CADPS2: variants seen among roughly 807,000 people sequenced by gnomAD.
CADPS2 encodes the protein calcium-dependent secretion activator 2.
In CADPS2, 93 loss-of-function variants were observed where a neutral mutation model predicts 172.5. That is an observed-to-expected ratio of 0.54 (90% CI 0.46 to 0.64). The LOEUF is 0.64. CADPS2 is among the 30% of genes least tolerant of loss of function. The pLI, the probability that CADPS2 is intolerant of heterozygous loss-of-function variation, is 0.00. For synonymous variants in CADPS2, 546 were observed against 555.2 expected (o/e 0.98, Z 0.23); for missense variants, 1,420 against 1,565.9 (o/e 0.91, Z 1.57).
chr7:122,705,289 T>C (rs745581840), intron 2 of CADPS2, among the ~76,000 whole-genome samples: 2 of 151,294 alleles, frequency 1.3e-5, no homozygotes, highest in African/African-American at 2.4e-5. Context: ...TGATTGAGGC[T>C]ACTGTAATCT....
At chr7:122,694,041 T>C (rs1027834950) in intron 2 of CADPS2, among the ~76,000 whole-genome samples, 1 of 152,176 alleles carries the variant, frequency 6.6e-6, no homozygotes, top group Admixed American at 6.5e-5. Flanking sequence ...CAGATAATAA[T>C]AAATATTACA....
chr7:122,458,623 A>C (rs2054080309), intron 14 of CADPS2, among the ~76,000 whole-genome samples: 1 of 152,094 alleles, frequency 6.6e-6, no homozygotes, highest in African/African-American at 2.4e-5. Context: ...ATTTCCTTGG[A>C]TGTTTATTTT....
chr7:122,447,622 C>T (rs13239116), intron 15 of CADPS2, among the ~76,000 whole-genome samples: 8,284 of 139,422 alleles, frequency 0.059, 319 homozygotes, highest in Non-Finnish European at 0.063. Context: ...CAGGCGATCT[C>T]GGCTCACTGC....
At chr7:122,475,135 T>C (rs1009674364) in intron 12 of CADPS2, among the ~76,000 whole-genome samples, 2 of 152,236 alleles carry the variant, frequency 1.3e-5, no homozygotes, top group African/African-American at 4.8e-5. Flanking sequence ...AATTTATTGT[T>C]CTTTACAGAT....
chr7:122,423,923 A>C (rs6956554), intron 17 of CADPS2, among the ~76,000 whole-genome samples: 12,418 of 152,240 alleles, frequency 0.082, 1,321 homozygotes, highest in African/African-American at 0.25. Context: ...AAGGTGACCT[A>C]CGTAAACTTT....
At chr7:122,606,156 C>T (rs1175866618) in intron 6 of CADPS2, among the ~76,000 whole-genome samples, 4 of 152,168 alleles carry the variant, frequency 2.6e-5, no homozygotes, top group Non-Finnish European at 5.9e-5. Context: ...GGTAATATTA[C>T]ACATTTGCCT....
At chr7:122,320,432 G>T in intron 29 of CADPS2, 94 bp from the exon 30 acceptor site, 3 of 935,598 alleles carry the variant, frequency 3.2e-6, no homozygotes, top group Non-Finnish European at 4.5e-6. Context: ...TGATCTTGGG[G>T]AATCCACTGA....
intron 17 of CADPS2, among the ~76,000 whole-genome samples, chr7:122,417,798 C>T (rs1348514482): frequency 6.6e-6 from 1 of 152,024 alleles, no homozygotes; most frequent in Non-Finnish European, 1.5e-5. Flanking sequence ...GGAAGGTAAG[C>T]CTGAAACATG....
intron 25 of CADPS2, among the ~76,000 whole-genome samples, chr7:122,371,902 A>T (rs2041814178): frequency 6.6e-6 from 1 of 152,096 alleles, no homozygotes; most frequent in Admixed American, 6.5e-5. Context: ...GGTGGAGGTG[A>T]TATGGGTATT....
rs544280372 is a variant in CADPS2, at chr7:122,614,387, G to A, written c.1223+794C>T. Among the ~76,000 whole-genome samples the A allele has an allele frequency of 3.9e-5, 6 of 152,074 alleles. No individual in the cohort carries two copies. In the South Asian group the frequency reaches 1.2e-3, roughly 32 times the overall value. On this transcript the variant is annotated intron_variant, in intron 6 of 29. Coordinates refer to ENST00000449022, the MANE Select transcript of CADPS2 (RefSeq NM_017954.11). ...TCTCATATATCTTCAGTGCCTATTTGGGATCTCAACAGAGGTTTCCTGAAT... is the reference window on the plus strand; with the variant it reads ...TCTCATATATCTTCAGTGCCTATTTAGGATCTCAACAGAGGTTTCCTGAAT...
chr7:122,702,267 C>T, intron 2 of CADPS2: 1 of 1,613,834 alleles, frequency 6.2e-7, no homozygotes. Flanking sequence ...TGCAAAATTT[C>T]CATGCCTTTC....
chr7:122,698,545 C>G, intron 2 of CADPS2: 1 of 1,614,080 alleles, frequency 6.2e-7, no homozygotes, highest in Non-Finnish European at 8.5e-7. Flanking sequence ...GATCACTCCA[C>G]TGGCTCCCTT....
chr7:122,378,271 A>C (rs2042583371), intron 25 of CADPS2, among the ~76,000 whole-genome samples: 1 of 152,156 alleles, frequency 6.6e-6, no homozygotes, highest in African/African-American at 2.4e-5. Context: ...AAGCAGTATG[A>C]CAAAATAGAA....
chr7:122,790,527 T>A (rs1795079132), intron 1 of CADPS2, among the ~76,000 whole-genome samples: 1 of 152,146 alleles, frequency 6.6e-6, no homozygotes. Flanking sequence ...ATTTAATTGT[T>A]GCAAATAAAG....
chr7:122,426,901 AAAC>A (rs1193889315), intron 17 of CADPS2, among the ~76,000 whole-genome samples: 3 of 152,208 alleles, frequency 2.0e-5, no homozygotes, highest in African/African-American at 4.8e-5. Flanking sequence ...AAAAGTAAAA[AAAC>A]AACAAGTACA....
At chr7:122,852,691 G>A (rs922851486) in intron 1 of CADPS2, among the ~76,000 whole-genome samples, 1 of 152,204 alleles carries the variant, frequency 6.6e-6, no homozygotes, top group African/African-American at 2.4e-5. Context: ...GTTTTAGCTG[G>A]AGCAGAGAGA....
chr7:122,352,397 G>A lies in CADPS2; in HGVS notation c.3505-6716C>T, dbSNP rs550160126. Among the ~76,000 whole-genome samples the A allele has an allele frequency of 3.3e-5, 5 of 152,318 alleles. No homozygotes were observed. The South Asian group carries it at 1.0e-3, about 32-fold the overall frequency. ...AGATGGACTGGGATGGGTTTACTCAGCTCAATTTGGAATGATTCAGATTTT... is the reference window on the plus strand; with the variant it reads ...AGATGGACTGGGATGGGTTTACTCAACTCAATTTGGAATGATTCAGATTTT... On this transcript the variant is annotated intron_variant, in intron 27 of 29. Coordinates refer to ENST00000449022, the MANE Select transcript of CADPS2 (RefSeq NM_017954.11).
chr7:122,825,229 T>G (rs1020800524), intron 1 of CADPS2, among the ~76,000 whole-genome samples: 1 of 152,142 alleles, frequency 6.6e-6, no homozygotes, highest in African/African-American at 2.4e-5. Context: ...GATTCAGAAA[T>G]CCCATCTGTA....
chr7:122,663,238 T>A lies in CADPS2; in HGVS notation c.785A>T (p.Gln262Leu). The A allele has an allele frequency of 6.2e-7, 1 of 1,603,212 alleles. No homozygotes were observed. Among genetic ancestry groups the A allele is most frequent in the East Asian group, 2.2e-5 (1 of 44,794 alleles). The change falls in exon 3 of 30, where the codon CAG (glutamine) becomes CTG (leucine). Residue 262 changes from glutamine (Q) to leucine (L), a missense_variant and splice_region_variant. Coordinates refer to ENST00000449022, the MANE Select transcript of CADPS2 (RefSeq NM_017954.11). Reference protein sequence around the residue: ...LEHQLLYNACQLDNADEQAAQ... With the variant: ...LEHQLLYNACLLDNADEQAAQ... ...GGGAAAATATCAGAGACCACTTACCTGACATGCATTATAAAGGAGCTGGTG... is the reference window on the plus strand; with the variant it reads ...GGGAAAATATCAGAGACCACTTACCAGACATGCATTATAAAGGAGCTGGTG...
Sources: gnomAD v4.1 joint callset for allele counts (sites outside exome capture counted in the v4.1 genomes callset) on GRCh38, gnomAD v4.1.1 for gene constraint, MANE v1.5 for transcripts, NCBI Gene and HGNC (gene_info 2026-07-23, HGNC 2026-07-21) for gene names.